The following RSRC1 variants were observed in gnomAD, a reference collection of about 807,000 sequenced individuals.
RSRC1 encodes serine/Arginine-related protein 53.
Under a neutral mutation model 49.1 loss-of-function variants are expected in RSRC1, and 39 were observed. That is an observed-to-expected ratio of 0.79 (90% CI 0.61 to 1.04). The LOEUF (loss-of-function observed/expected upper bound fraction) is 1.04. Ranked by LOEUF, RSRC1 falls within the 50% of genes least tolerant of loss-of-function variation. RSRC1 has a pLI of 0.00. For missense variants in RSRC1, 388 were observed against 402.4 expected (o/e 0.96, Z 0.31); for synonymous variants, 143 against 130.8 (o/e 1.09, Z -0.63).
chr3:158,402,028 G>C (rs1733919599), intron 6 of RSRC1, among the ~76,000 whole-genome samples: 1 of 151,768 alleles, frequency 6.6e-6, no homozygotes, highest in Non-Finnish European at 1.5e-5. Context: ...GGTGGGGTAG[G>C]GGAAATTTAG....
At chr3:158,181,355 A>G (rs890883821) in intron 3 of RSRC1, among the ~76,000 whole-genome samples, 2 of 152,190 alleles carry the variant, frequency 1.3e-5, no homozygotes, top group African/African-American at 4.8e-5. Flanking sequence ...GGAGTTCTGG[A>G]CACATAAGAG....
Position 158,439,959 on chromosome 3 carries a change from A to T in RSRC1, c.584-20976A>T, listed in dbSNP as rs76023203. ...TTCAAGAGTAAGTAATGCCTTCCAAACCTAGAGCACAAAAAAGGCAAGGGG... is the reference window on the plus strand; with the variant it reads ...TTCAAGAGTAAGTAATGCCTTCCAATCCTAGAGCACAAAAAAGGCAAGGGG... On this transcript the variant is annotated intron_variant, in intron 6 of 9. Coordinates refer to ENST00000611884, the MANE Select transcript of RSRC1 (RefSeq NM_001271838.2). Among the ~76,000 whole-genome samples the T allele has an allele frequency of 8.4e-3, 1,279 of 152,086 alleles. 15 individuals are homozygous for T. The highest frequency in any genetic ancestry group is 0.029 in the African/African-American group (1,217 of 41,492).
chr3:158,315,048 A>C (rs1463451892), intron 5 of RSRC1, among the ~76,000 whole-genome samples: 2 of 146,012 alleles, frequency 1.4e-5, no homozygotes. Flanking sequence ...AAAAAAAATT[A>C]TGTTTGCTCC....
intron 7 of RSRC1, among the ~76,000 whole-genome samples, chr3:158,516,471 G>T (rs1234192811): frequency 3.4e-4 from 52 of 151,900 alleles, no homozygotes; most frequent in Non-Finnish European, 4.7e-4. Context: ...TCTCCAGCTG[G>T]GTGCTGGGAG....
intron 3 of RSRC1, among the ~76,000 whole-genome samples, chr3:158,148,592 C>A (rs1471214412): frequency 6.6e-6 from 1 of 151,986 alleles, no homozygotes; most frequent in Non-Finnish European, 1.5e-5. Flanking sequence ...TTTTGAATGT[C>A]ATAAACTCAT....
chr3:158,152,203 T>TG (rs1307605744), intron 3 of RSRC1, among the ~76,000 whole-genome samples: 2 of 152,284 alleles, frequency 1.3e-5, no homozygotes, highest in East Asian at 3.9e-4. Context: ...ATAATTGAAC[T>TG]TAGCTGAACT....
At chr3:158,448,283 C>A (rs544620692) in intron 6 of RSRC1, among the ~76,000 whole-genome samples, 16 of 151,896 alleles carry the variant, frequency 1.1e-4, no homozygotes, top group African/African-American at 3.9e-4. Flanking sequence ...CAGCACTATC[C>A]TGTGTTGTTA....
At chr3:158,485,148 G>A (rs1314791340) in intron 7 of RSRC1, among the ~76,000 whole-genome samples, 1 of 151,768 alleles carries the variant, frequency 6.6e-6, no homozygotes, top group South Asian at 2.1e-4. Flanking sequence ...ATTTTCTCCT[G>A]GTAACCTAAG....
At chr3:158,189,183 A>G (rs1720087220) in intron 3 of RSRC1, among the ~76,000 whole-genome samples, 1 of 151,902 alleles carries the variant, frequency 6.6e-6, no homozygotes, top group Non-Finnish European at 1.5e-5. Context: ...TAGAAAACAT[A>G]ATCTGAATGC....
intron 4 of RSRC1, among the ~76,000 whole-genome samples, chr3:158,274,020 A>T (rs1725667127): frequency 6.6e-6 from 1 of 152,162 alleles, no homozygotes; most frequent in African/African-American, 2.4e-5. Flanking sequence ...AAATAACTTA[A>T]AACTGAAACA....
At chr3:158,167,137 G>T (rs1453064246) in intron 3 of RSRC1, among the ~76,000 whole-genome samples, 2 of 151,940 alleles carry the variant, frequency 1.3e-5, no homozygotes, top group Non-Finnish European at 2.9e-5. Context: ...TTAGATTTTG[G>T]ATTAGGGTCT....
intron 7 of RSRC1, among the ~76,000 whole-genome samples, chr3:158,528,606 A>G (rs778985087): frequency 6.6e-6 from 1 of 151,930 alleles, no homozygotes; most frequent in Non-Finnish European, 1.5e-5. Flanking sequence ...TTCCTTAGAA[A>G]CATACAACTC....
intron 6 of RSRC1, among the ~76,000 whole-genome samples, chr3:158,435,219 ATTT>A (rs1285924280): frequency 2.0e-5 from 3 of 151,590 alleles, no homozygotes; most frequent in Non-Finnish European, 4.4e-5. Context: ...AATCTCTTGC[ATTT>A]TTTTTAATTA....
chr3:158,516,738 A>C (rs1314882069), intron 7 of RSRC1, among the ~76,000 whole-genome samples: 1 of 152,196 alleles, frequency 6.6e-6, no homozygotes, highest in East Asian at 1.9e-4. Context: ...CTGTGCTAGC[A>C]ATCAGCGAGA....
intron 7 of RSRC1, among the ~76,000 whole-genome samples, chr3:158,523,189 C>A (rs1183785165): frequency 1.3e-5 from 2 of 152,012 alleles, no homozygotes; most frequent in African/African-American, 4.8e-5. Flanking sequence ...TCTTATTAAT[C>A]ATTTGTATTT....
intron 6 of RSRC1, among the ~76,000 whole-genome samples, chr3:158,434,629 G>A (rs1735948466): frequency 6.6e-6 from 1 of 151,812 alleles, no homozygotes; most frequent in Admixed American, 6.6e-5. Flanking sequence ...CTCGGGTGCT[G>A]TATATTTACC....
At chr3:158,195,898 T>C (rs1241681865) in intron 3 of RSRC1, among the ~76,000 whole-genome samples, 1 of 152,092 alleles carries the variant, frequency 6.6e-6, no homozygotes, top group Non-Finnish European at 1.5e-5. Flanking sequence ...CTGGTTACTG[T>C]AGCCTTGTAG....
intron 6 of RSRC1, among the ~76,000 whole-genome samples, chr3:158,413,947 T>C (rs1445081984): frequency 6.6e-6 from 1 of 152,018 alleles, no homozygotes; most frequent in Non-Finnish European, 1.5e-5. Flanking sequence ...AAGACCTAGA[T>C]CCAGAAATAA....
intron 4 of RSRC1, among the ~76,000 whole-genome samples, chr3:158,280,349 A>G (rs1028059157): frequency 1.3e-5 from 2 of 152,152 alleles, no homozygotes; most frequent in Non-Finnish European, 2.9e-5. Context: ...AATATTTTTC[A>G]TATCACATAT....
Sources: gnomAD v4.1 joint callset for allele counts (sites outside exome capture counted in the v4.1 genomes callset) on GRCh38, gnomAD v4.1.1 for gene constraint, MANE v1.5 for transcripts, NCBI Gene and HGNC (gene_info 2026-07-23, HGNC 2026-07-21) for gene names.